THOC2: variants seen among roughly 807,000 people sequenced by gnomAD.
THOC2 encodes the protein THO complex subunit 2.
A neutral mutation model predicts 128.4 loss-of-function variants in THOC2; 10 were observed. The ratio of observed to expected loss-of-function variants is 0.08; its 90% CI spans 0.05 to 0.13. The LOEUF is 0.13. Among genes scored for constraint, THOC2 ranks in the 10% least tolerant of loss-of-function variants. The pLI is 1.00. For synonymous variants in THOC2, 393 were observed against 396.9 expected, an observed-to-expected ratio of 0.99 and a Z score of 0.12; for missense variants, 535 against 1,155.7, an observed-to-expected ratio of 0.46 and a Z score of 7.79.
chrX:123,655,594 G>A (rs1027766843), intron 12 of THOC2, among the ~76,000 whole-genome samples: 2 of 111,316 alleles, frequency 1.8e-5, no homozygotes, highest in Non-Finnish European at 3.8e-5. Flanking sequence ...AAAATTTGCA[G>A]GCATGACACG....
intron 12 of THOC2, among the ~76,000 whole-genome samples, chrX:123,662,587 CAA>C (rs777761030): frequency 0.013 from 595 of 47,365 alleles, 2 homozygotes; most frequent in Middle Eastern, 0.026. Flanking sequence ...GACTCCGTCT[CAA>C]AAAAAAAAAA....
chrX:123,678,439 C>T lies in THOC2; in HGVS notation c.769-6678G>A, dbSNP rs1209885290. On this transcript the variant is annotated intron_variant, in intron 8 of 38. Transcript: ENST00000245838. ...CACCACCAAGCCCAGCTAATTTTTC[C>T]GTTTTTGGGTAGAGACAGGGTTTCT... 4.6e-5 allele frequency among the ~76,000 whole-genome samples: 5 copies of T among 108,828 alleles called. 1 individual carries two copies. The highest frequency in any genetic ancestry group is 9.5e-5 in the Non-Finnish European group (5 of 52,414). The allele number at this position is 108,828 out of a possible 115,157, so 94.5% of individuals were successfully genotyped here.
intron 4 of THOC2, among the ~76,000 whole-genome samples, chrX:123,700,960 G>C (rs1466610206): frequency 9.0e-6 from 1 of 111,371 alleles, no homozygotes; most frequent in African/African-American, 3.3e-5. Flanking sequence ...GATCACACTT[G>C]AATCATTTTT....
At chrX:123,603,667 G>C in intron 38 of THOC2, 1 of 489,354 alleles carries the variant, frequency 2.0e-6, no homozygotes, top group Non-Finnish European at 3.6e-6. Context: ...CTTAATTATG[G>C]GAGATATCAT....
At position 123,732,994 on chromosome X, in the gene THOC2, G is replaced by A; in HGVS notation, c.29C>T (p.Ala10Val). 8.3e-7 allele frequency: 1 copy of A among 1,211,840 alleles called. No homozygotes were observed. The highest frequency in any genetic ancestry group is 1.1e-6 in the Non-Finnish European group (1 of 895,472). ...TTTCTCCCAGTTCTTTATCCACTCT[G>A]CGGGAACCACCACAGCCGCGGCCGC... is the stretch of plus-strand genomic sequence containing the variant. MAAAAVVVP[A>V]EWIKNWEKSG... Residue 10 changes from alanine to valine, a missense_variant, in exon 1 of 39, where the codon GCA becomes GTA. Around this residue, in one of 9 missense-constraint regions of THOC2, gnomAD observed 61 missense variants for 84.3 expected, o/e 0.72. Coordinates refer to ENST00000245838, the MANE Select transcript of THOC2 (RefSeq NM_001081550.2).
chrX:123,637,691 C>T (rs1466007186), intron 18 of THOC2, among the ~76,000 whole-genome samples: 2 of 110,079 alleles, frequency 1.8e-5, no homozygotes, highest in Non-Finnish European at 3.8e-5. Context: ...ACCTGGGAGG[C>T]GGAGGCTGCA....
intron 12 of THOC2, among the ~76,000 whole-genome samples, chrX:123,651,925 G>T (rs1483635479): frequency 9.0e-6 from 1 of 111,599 alleles, no homozygotes; most frequent in Non-Finnish European, 1.9e-5. Context: ...TAGAAAAAGA[G>T]GGACACCACC....
Position 123,644,567 on chromosome X carries a change from A to G in THOC2, c.1661+8T>C. The stretch of plus-strand genomic sequence containing the variant: ...TTAGATTAATATGAAAAATAAATTA[A>G]AACTTACTTCATGATATATTTGGCT... On this transcript the variant is annotated splice_region_variant and intron_variant, in intron 15 of 38. Transcript: ENST00000245838. 1 of 1,113,127 alleles carries G rather than the reference A, an allele frequency of 9.0e-7. No homozygotes were observed. Among genetic ancestry groups the G allele is most frequent in the East Asian group, 3.0e-5 (1 of 33,144 alleles). The allele number at this position is 1,113,127 out of a possible 1,213,427, so 91.7% of individuals were successfully genotyped here. A position where few individuals can be genotyped will look rare whatever the true frequency, so the allele number is the denominator to read the frequency against.
chrX:123,640,840 C>G (rs1201180902), intron 15 of THOC2, among the ~76,000 whole-genome samples: 1 of 111,846 alleles, frequency 8.9e-6, no homozygotes, highest in African/African-American at 3.2e-5. Flanking sequence ...ATATTAAATG[C>G]TTAACATTTA....
chrX:123,606,462 C>T (rs2046474624), intron 38 of THOC2, among the ~76,000 whole-genome samples: 1 of 110,181 alleles, frequency 9.1e-6, no homozygotes, highest in Non-Finnish European at 1.9e-5. Context: ...GGCATGGTGG[C>T]ACATGCCTGT....
rs1419498169 is a variant in THOC2, at chrX:123,702,612, G to A, written c.274+842C>T. Among the ~76,000 whole-genome samples the A allele has an allele frequency of 2.9e-5, 3 of 103,848 alleles. No individual in the cohort carries two copies. In the Admixed American group the frequency reaches 3.3e-4, roughly 11 times the overall value. The allele number at this position is 103,848 out of a possible 115,157, so 90.2% of individuals were successfully genotyped here. A position where few individuals can be genotyped will look rare whatever the true frequency, so the allele number is the denominator to read the frequency against. On this transcript the variant is annotated intron_variant, in intron 4 of 38. Transcript: ENST00000245838. ...ATATCTGTATATATAATATATATGT[G>A]TATATACATATATTTTATATGTATA...
chrX:123,710,591 G>A (rs1363940969), intron 2 of THOC2, among the ~76,000 whole-genome samples: 2 of 111,322 alleles, frequency 1.8e-5, no homozygotes, highest in African/African-American at 3.3e-5. Context: ...TTTATAAGCA[G>A]GATAAACAAG....
At chrX:123,663,827 G>A (rs2048941806) in intron 12 of THOC2, among the ~76,000 whole-genome samples, 1 of 110,650 alleles carries the variant, frequency 9.0e-6, no homozygotes, top group South Asian at 3.9e-4. Context: ...GTGTCCAAGT[G>A]TTCTCCTTGT....
intron 7 of THOC2, among the ~76,000 whole-genome samples, chrX:123,687,133 AG>A (rs2050031992): frequency 1.8e-5 from 2 of 112,197 alleles, no homozygotes; most frequent in Non-Finnish European, 3.8e-5. Context: ...TGTTTTAGGC[AG>A]AAGTATTTGG....
chrX:123,606,338 T>C (rs2046468522), intron 38 of THOC2, among the ~76,000 whole-genome samples: 2 of 108,701 alleles, frequency 1.8e-5, no homozygotes, highest in South Asian at 8.1e-4. Flanking sequence ...ACACCTGTAA[T>C]CCCAGCATTT....
At chrX:123,659,502 C>T (rs756370765) in intron 12 of THOC2, among the ~76,000 whole-genome samples, 149 of 111,931 alleles carry the variant, frequency 1.3e-3, no homozygotes, top group African/African-American at 4.7e-3. Flanking sequence ...ACCCAGGAGG[C>T]GGAGGTTGCA....
At chrX:123,729,963 C>T (rs1045598783) in intron 1 of THOC2, among the ~76,000 whole-genome samples, 1 of 111,927 alleles carries the variant, frequency 8.9e-6, no homozygotes, top group Non-Finnish European at 1.9e-5. Context: ...AAACTAAGTA[C>T]TGGATGGTGA....
intron 9 of THOC2, among the ~76,000 whole-genome samples, chrX:123,670,364 A>T (rs1402285875): frequency 8.9e-6 from 1 of 112,809 alleles, no homozygotes. Context: ...CACGCTTGTA[A>T]TCCCAGCACT....
At chrX:123,660,255 G>A (rs1261083604) in intron 12 of THOC2, among the ~76,000 whole-genome samples, 2 of 111,361 alleles carry the variant, frequency 1.8e-5, no homozygotes, top group South Asian at 3.8e-4. Flanking sequence ...TACCAAGTGT[G>A]TATCTTGGTA....
Sources: allele counts gnomAD v4.1 joint callset (sites outside exome capture counted in the v4.1 genomes callset), GRCh38; gene constraint gnomAD v4.1.1; regional missense constraint gnomAD v4.1.1; transcripts MANE v1.5; gene names NCBI Gene and HGNC (gene_info 2026-07-23, HGNC 2026-07-21).